Variants in DGKH observed in about 807,000 individuals in gnomAD.
DGKH encodes DAG kinase eta.
Under a neutral mutation model 159.3 loss-of-function variants are expected in DGKH, and 90 were observed. The observed-to-expected ratio is 0.57, with a 90% CI of 0.48 to 0.67. The LOEUF is 0.67. DGKH is among the 30% of genes least tolerant of loss of function. The pLI is 0.00. For synonymous variants in DGKH, 536 were observed against 553.8 expected, an observed-to-expected ratio of 0.97 and a Z score of 0.45; for missense variants, 1,181 against 1,506.1, an observed-to-expected ratio of 0.78 and a Z score of 3.57.
chr13:42,248,000 A>AG (rs1393305861), intron 29 of DGKH, among the ~76,000 whole-genome samples: 2 of 152,226 alleles, frequency 1.3e-5, no homozygotes, highest in African/African-American at 4.8e-5. Context: ...TAATAAATTC[A>AG]GTTTAGCCTG....
chr13:42,070,563 G>C, intron 1 of DGKH: 3 of 1,519,508 alleles, frequency 2.0e-6, no homozygotes, highest in Non-Finnish European at 1.8e-6. Flanking sequence ...GAGGATCCAT[G>C]ATCCGTGCAA....
intron 1 of DGKH, among the ~76,000 whole-genome samples, chr13:42,061,950 A>G (rs950647884): frequency 6.6e-6 from 1 of 151,646 alleles, no homozygotes; most frequent in Admixed American, 6.6e-5. Context: ...AGGAAGATAA[A>G]GCAGGGTAAA....
In DGKH at chr13:42,173,964, C is replaced by CAT. The variant is rs552533001; in HGVS notation, c.1368-96_1368-95insAT. The CAT allele has an allele frequency of 1.8e-4, 106 of 604,502 alleles. 2 individuals carry two copies. Among genetic ancestry groups the CAT allele is most frequent in the South Asian group, 1.6e-3 (73 of 46,286 alleles). 37.4% of individuals were successfully genotyped at this position (604,502 alleles called of 1,614,324 possible). On this transcript the variant is annotated intron_variant, in intron 11 of 29. Transcript: ENST00000337343. ...GAATGTGTGTGTGTGTGTGTGCGTG[C>CAT]GTGTGTGTGTGTGTGTGTGCGCGTT...
chr13:42,155,452 G>C (rs1956020055), intron 4 of DGKH, 57 bp downstream of exon 4: 1 of 1,544,394 alleles, frequency 6.5e-7, no homozygotes, highest in Admixed American at 1.8e-5. Flanking sequence ...GTTAACCAAA[G>C]GGCTAGAGCT....
chr13:42,234,304 A>T lies in DGKH; in HGVS notation c.*5116A>T, dbSNP rs772900321. On this transcript the variant is annotated 3_prime_UTR_variant, in exon 30 of 30. Transcript: ENST00000337343. Reference sequence around the variant, plus strand: ...TTTGTCTTCATGGAACTTATTTTTAACAGGAATCAAGGAAGAAAATATTCA... The same window carrying T: ...TTTGTCTTCATGGAACTTATTTTTATCAGGAATCAAGGAAGAAAATATTCA... The T allele has an allele frequency of 5.3e-5, 8 of 152,184 alleles. No individual in the cohort carries two copies. The highest frequency in any genetic ancestry group is 3.3e-4 in the Admixed American group (5 of 15,274). 9.4% of individuals were successfully genotyped at this position (152,184 alleles called of 1,614,324 possible). A position where few individuals can be genotyped will look rare whatever the true frequency, so the allele number is the denominator to read the frequency against.
intron 1 of DGKH, among the ~76,000 whole-genome samples, chr13:42,055,159 C>T (rs2137652343): frequency 6.6e-6 from 1 of 152,250 alleles, no homozygotes; most frequent in African/African-American, 2.4e-5. Flanking sequence ...AGTTTGCTGG[C>T]ACCTATGTTA....
intron 18 of DGKH, 75 bp from the exon 19 acceptor site, chr13:42,199,491 C>T: frequency 9.6e-7 from 1 of 1,046,986 alleles, no homozygotes; most frequent in Non-Finnish European, 1.4e-6. Flanking sequence ...GTTTTAAGTA[C>T]TATCTTGTGT....
At chr13:42,202,538 GA>G (rs1304315882) in intron 20 of DGKH, among the ~76,000 whole-genome samples, 1 of 152,114 alleles carries the variant, frequency 6.6e-6, no homozygotes, top group Non-Finnish European at 1.5e-5. Flanking sequence ...CCCTATATAC[GA>G]AATTGATAAA....
intron 20 of DGKH, among the ~76,000 whole-genome samples, chr13:42,205,733 C>T (rs945673978): frequency 1.3e-5 from 2 of 152,092 alleles, no homozygotes; most frequent in African/African-American, 4.8e-5. Flanking sequence ...GACCACAATG[C>T]AGGTGAAAGT....
chr13:42,190,086 T>C (rs571440554), intron 15 of DGKH, among the ~76,000 whole-genome samples: 1 of 152,362 alleles, frequency 6.6e-6, no homozygotes, highest in African/African-American at 2.4e-5. Context: ...ATTTTAGCTA[T>C]AGTCTAAATG....
At chr13:42,129,470 A>G (rs1337957645) in intron 2 of DGKH, 82 bp from the exon 3 acceptor site, 1 of 1,163,510 alleles carries the variant, frequency 8.6e-7, no homozygotes, top group Non-Finnish European at 1.2e-6. Flanking sequence ...TCTATTCCTA[A>G]TTCCTGTATT....
At chr13:42,138,352 AGT>A (rs1210300840) in intron 3 of DGKH, among the ~76,000 whole-genome samples, 1 of 135,150 alleles carries the variant, frequency 7.4e-6, no homozygotes, top group African/African-American at 2.5e-5. Context: ...TTCTTTGCAC[AGT>A]GTGTGCATGT....
At chr13:42,202,372 G>GAGAC (rs1957369434) in intron 20 of DGKH, among the ~76,000 whole-genome samples, 1 of 152,150 alleles carries the variant, frequency 6.6e-6, no homozygotes, top group African/African-American at 2.4e-5. Context: ...TCTTTCCAGA[G>GAGAC]AGACGCCTTC....
intron 30 of DGKH, chr13:42,256,168 G>A: frequency 1.7e-6 from 2 of 1,202,442 alleles, no homozygotes; most frequent in Non-Finnish European, 2.5e-6. Flanking sequence ...AAGTCATGGG[G>A]AATCATGTTG....
chr13:42,098,370 C>A (rs1566100269), intron 1 of DGKH, among the ~76,000 whole-genome samples: 1 of 152,036 alleles, frequency 6.6e-6, no homozygotes, highest in Non-Finnish European at 1.5e-5. Context: ...GCCTGTGGTC[C>A]CAGCTACTCG....
At chr13:42,198,638 G>GTTTTTT in intron 18 of DGKH, 43 bp downstream of exon 18, 1 of 1,168,392 alleles carries the variant, frequency 8.6e-7, no homozygotes. Flanking sequence ...GGTTTTTCTT[G>GTTTTTT]TTTTTTTTTT....
chr13:42,084,715 T>C (rs955258461), intron 1 of DGKH, among the ~76,000 whole-genome samples: 1 of 152,170 alleles, frequency 6.6e-6, no homozygotes, highest in Non-Finnish European at 1.5e-5. Context: ...GACTTTTTTT[T>C]TTCCAGGCTA....
Position 42,240,586 on chromosome 13 carries a change from T to C in DGKH, c.*11398T>C, listed in dbSNP as rs1365753508. On this transcript the variant is annotated 3_prime_UTR_variant, in exon 30 of 30. Coordinates refer to ENST00000337343, the MANE Select transcript of DGKH (RefSeq NM_178009.5). ...TAGTGATGGTGGAATTTTTAAATAA[T>C]ATTCAGCTGGGGGGAAATAGACTGA... 6.6e-6 allele frequency: 1 copy of C among 152,180 alleles called. No individual in the cohort carries two copies. Among genetic ancestry groups the C allele is most frequent in the Non-Finnish European group, 1.5e-5 (1 of 68,030 alleles). 9.4% of individuals were successfully genotyped at this position (152,180 alleles called of 1,614,324 possible). A position where few individuals can be genotyped will look rare whatever the true frequency, so the allele number is the denominator to read the frequency against.
chr13:42,206,976 T>TTTCTTTCC (rs1208746365), intron 21 of DGKH, among the ~76,000 whole-genome samples: 3 of 23,458 alleles, frequency 1.3e-4, no homozygotes, highest in African/African-American at 3.9e-4. Context: ...ACTTTTACTT[T>TTTCTTTCC]TTCTTTCTTT....
Sources: gnomAD v4.1 joint callset for allele counts (sites outside exome capture counted in the v4.1 genomes callset) on GRCh38, gnomAD v4.1.1 for gene constraint, MANE v1.5 for transcripts, NCBI Gene and HGNC (gene_info 2026-07-23, HGNC 2026-07-21) for gene names.